PACRGL: variants seen among roughly 807,000 people sequenced by gnomAD.
PACRGL encodes parkin coregulated like.
PACRGL carries 38 observed loss-of-function variants against 34.5 expected under a neutral mutation model. The ratio of observed to expected loss-of-function variants is 1.10; its 90% CI spans 0.85 to 1.44. The LOEUF (loss-of-function observed/expected upper bound fraction) is 1.44, where lower values mean the gene tolerates loss of function less well. PACRGL is among the 40% of genes most tolerant of loss of function. The pLI is 0.00. For synonymous variants in PACRGL, 128 were observed against 100.1 expected, an observed-to-expected ratio of 1.28 and a Z score of -1.66; for missense variants, 305 against 281.4, an observed-to-expected ratio of 1.08 and a Z score of -0.60.
At chr4:20,710,257 A>G (rs1453979410) in intron 5 of PACRGL, among the ~76,000 whole-genome samples, 1 of 152,120 alleles carries the variant, frequency 6.6e-6, no homozygotes, top group East Asian at 1.9e-4. Flanking sequence ...GTACAATATC[A>G]TGGAGGTGGT....
At position 20,728,918 on chromosome 4, in the gene PACRGL, A is replaced by ATGAT. The variant is rs10695080; in HGVS notation, c.*1579_*1582dup. 49,925 of 152,094 alleles carry ATGAT rather than the reference A, an allele frequency of 0.33. 8,620 individuals carry two copies. The highest frequency in any genetic ancestry group is 0.43 in the African/African-American group (17,915 of 41,392). 9.4% of individuals were successfully genotyped at this position (152,094 alleles called of 1,614,324 possible). A position where few individuals can be genotyped will look rare whatever the true frequency, so the allele number is the denominator to read the frequency against. On this transcript the variant is annotated 3_prime_UTR_variant, in exon 9 of 9. Transcript: ENST00000503585. ...TGGCAACTTTACAGTTTTGGCTAAG[A>ATGAT]TGATTAAAAATAATCTGAATTATGA...
the PACRGL span, among the ~76,000 whole-genome samples, chr4:20,766,341 G>A: frequency 2.0e-5 from 3 of 152,078 alleles, no homozygotes; most frequent in African/African-American, 7.2e-5. Flanking sequence ...GGCCAAGGTG[G>A]GTGGATCACC....
chr4:20,766,520 C>T, the PACRGL span, among the ~76,000 whole-genome samples: 139 of 152,254 alleles, frequency 9.1e-4, 1 homozygote, highest in Admixed American at 7.1e-3. Flanking sequence ...GAGCCGAGAT[C>T]ACGCCACTAT....
rs529091598 is a variant in PACRGL at position 20,730,295 on chromosome 4, T to C, written c.*2954T>C. On this transcript the variant is annotated 3_prime_UTR_variant, in exon 9 of 9. Transcript: ENST00000503585. Reference sequence around the variant, plus strand: ...GTAAATGCCATTCTATTCTATCCATTTTCCACATAGATGACTATGAAGGAC... The same window carrying C: ...GTAAATGCCATTCTATTCTATCCATCTTCCACATAGATGACTATGAAGGAC... 6.6e-6 allele frequency among the ~76,000 whole-genome samples: 1 copy of C among 152,244 alleles called. No homozygotes were observed. Among genetic ancestry groups the C allele is most frequent in the Non-Finnish European group, 1.5e-5 (1 of 68,040 alleles).
chr4:20,734,879 TCAGA>T (rs1285139227), downstream of PACRGL: 5 of 475,044 alleles, frequency 1.1e-5, no homozygotes, highest in African/African-American at 8.1e-5. Context: ...TGTCTAGTTT[TCAGA>T]CTTCTCTGTG....
chr4:20,752,310 C>T (rs145304841), intron 8 of PACRGL, among the ~76,000 whole-genome samples: 168 of 152,216 alleles, frequency 1.1e-3, no homozygotes, highest in African/African-American at 3.6e-3. Context: ...CAGCCTGCCT[C>T]AGCCTCCCAA....
exon 9 of PACRGL, chr4:20,752,636 T>C (rs548638458): frequency 6.6e-6 from 1 of 152,278 alleles, no homozygotes; most frequent in East Asian, 1.9e-4. Context: ...GACAAGATAA[T>C]TATGTCCTAA....
Position 20,729,207 on chromosome 4 carries a change from A to ACTTGTTAT in PACRGL, c.*1867_*1874dup, listed in dbSNP as rs1179318623. On this transcript the variant is annotated 3_prime_UTR_variant, in exon 9 of 9. Transcript: ENST00000503585. ...TTTGGCCTTTAATGCTGTTAGGATT[A>ACTTGTTAT]CTTGTTATTAAGCATTACTATATAC... is the stretch of plus-strand genomic sequence containing the variant. The ACTTGTTAT allele has an allele frequency of 6.6e-6, 1 of 151,994 alleles. No homozygotes were observed. Among genetic ancestry groups the ACTTGTTAT allele is most frequent in the East Asian group, 2.0e-4 (1 of 5,006 alleles). The allele number at this position is 151,994 out of a possible 1,614,324, so 9.4% of individuals were successfully genotyped here.
At chr4:20,706,549 C>T (rs1309372263) in intron 3 of PACRGL, among the ~76,000 whole-genome samples, 1 of 151,860 alleles carries the variant, frequency 6.6e-6, no homozygotes, top group African/African-American at 2.4e-5. Flanking sequence ...TGAATTGTTA[C>T]ACATAACATG....
intron 1 of PACRGL, among the ~76,000 whole-genome samples, chr4:20,701,271 C>T (rs927197736): frequency 6.6e-6 from 1 of 152,064 alleles, no homozygotes; most frequent in Non-Finnish European, 1.5e-5. Context: ...GTACACTTTC[C>T]TACCATTGAC....
the PACRGL span, among the ~76,000 whole-genome samples, chr4:20,764,034 C>G: frequency 6.6e-6 from 1 of 152,098 alleles, no homozygotes; most frequent in Non-Finnish European, 1.5e-5. Context: ...AGTAGGGTTC[C>G]TGGGTTTAGG....
At chr4:20,712,234 T>G (rs896152311) in intron 5 of PACRGL, among the ~76,000 whole-genome samples, 2 of 151,840 alleles carry the variant, frequency 1.3e-5, no homozygotes, top group African/African-American at 4.8e-5. Flanking sequence ...GTTTTCCATT[T>G]CTTTTCTTTT....
chr4:20,755,647 G>A (rs151269361), downstream of PACRGL, among the ~76,000 whole-genome samples: 20 of 152,264 alleles, frequency 1.3e-4, no homozygotes, highest in East Asian at 3.9e-3. Flanking sequence ...GCCGAAAAGA[G>A]ACATAAAGCA....
intron 1 of PACRGL, 57 bp from the exon 2 acceptor site, chr4:20,704,409 T>C: frequency 6.6e-7 from 1 of 1,520,562 alleles, no homozygotes; most frequent in Non-Finnish European, 9.0e-7. Flanking sequence ...TTTTTATTGA[T>C]AACAAATGCC....
chr4:20,704,349 A>C (rs1216697230), intron 1 of PACRGL, 117 bp from the exon 2 acceptor site: 2 of 899,492 alleles, frequency 2.2e-6, no homozygotes, highest in African/African-American at 3.4e-5. Context: ...CTCCATATCA[A>C]CTTTTTTGTG....
chr4:20,728,515 G>C lies in PACRGL; in HGVS notation c.*1174G>C, dbSNP rs887581830. 2 of 152,208 alleles carry C rather than the reference G, an allele frequency of 1.3e-5. No individual in the cohort carries two copies. Among genetic ancestry groups the C allele is most frequent in the Admixed American group, 1.3e-4 (2 of 15,260 alleles). The allele number at this position is 152,208 out of a possible 1,614,324, so 9.4% of individuals were successfully genotyped here. ...TGCTTTTACCTGTTTTCATTGCATT[G>C]AGCACCATCCAGAGCTATCTGCCAT... On this transcript the variant is annotated 3_prime_UTR_variant, in exon 9 of 9. Coordinates refer to ENST00000503585, the MANE Select transcript of PACRGL (RefSeq NM_001258345.3).
intron 7 of PACRGL, chr4:20,718,920 T>C (rs933487292): frequency 3.3e-5 from 5 of 152,244 alleles, no homozygotes; most frequent in Non-Finnish European, 7.3e-5. Flanking sequence ...AGCTCCTCCT[T>C]GTACCTCTGG....
At chr4:20,716,127 G>A (rs1189119757) in intron 7 of PACRGL, 1 of 1,516,008 alleles carries the variant, frequency 6.6e-7, no homozygotes, top group East Asian at 2.5e-5. Context: ...AGCTCATGAG[G>A]TTCCCAAGAC....
At chr4:20,756,714 T>A (rs1426317627), downstream of PACRGL, among the ~76,000 whole-genome samples, 3 of 151,948 alleles carry the variant, frequency 2.0e-5, no homozygotes, top group Non-Finnish European at 4.4e-5. Context: ...ATGACTCCCA[T>A]GTTGCCACAT....
Sources: allele counts gnomAD v4.1 joint callset (sites outside exome capture counted in the v4.1 genomes callset), GRCh38; gene constraint gnomAD v4.1.1; transcripts MANE v1.5; gene names NCBI Gene and HGNC (gene_info 2026-07-23, HGNC 2026-07-21).